NRG1: variants seen among roughly 807,000 people sequenced by gnomAD.
NRG1 encodes neuregulin 1.
A neutral mutation model predicts 63.8 loss-of-function variants in NRG1; 18 were observed. The observed-to-expected ratio is 0.28, with a 90% CI of 0.19 to 0.42. The LOEUF (loss-of-function observed/expected upper bound fraction) is 0.42, where lower values mean the gene tolerates loss of function less well. NRG1 is among the 10% of genes least tolerant of loss of function. NRG1 has a pLI of 1.00. For synonymous variants in NRG1, 302 were observed against 301.3 expected, an observed-to-expected ratio of 1.00 and a Z score of -0.02; for missense variants, 762 against 814.7, an observed-to-expected ratio of 0.94 and a Z score of 0.79.
intron 1 of NRG1, among the ~76,000 whole-genome samples, chr8:32,244,532 G>A (rs1225281732): frequency 6.6e-6 from 1 of 152,106 alleles, no homozygotes; most frequent in Non-Finnish European, 1.5e-5. Flanking sequence ...CAAAAGAAAG[G>A]GAAGCAGGGT....
At chr8:31,786,806 T>C (rs1016850559) in intron 1 of NRG1, among the ~76,000 whole-genome samples, 5 of 152,056 alleles carry the variant, frequency 3.3e-5, no homozygotes, top group Admixed American at 3.3e-4. Context: ...GGGTGGGCCG[T>C]CCTCCAGGAA....
chr8:32,022,799 C>T (rs1586542995), intron 1 of NRG1, among the ~76,000 whole-genome samples: 2 of 152,216 alleles, frequency 1.3e-5, no homozygotes, highest in Non-Finnish European at 2.9e-5. Flanking sequence ...AATGAGTCCA[C>T]AATACCTCAA....
At chr8:32,528,038 T>C (rs996031124) in intron 1 of NRG1, among the ~76,000 whole-genome samples, 3 of 152,188 alleles carry the variant, frequency 2.0e-5, no homozygotes, top group Non-Finnish European at 2.9e-5. Flanking sequence ...CCAGGATGTT[T>C]ATATTTGCAG....
At chr8:32,446,040 G>T (rs547534473) in intron 1 of NRG1, among the ~76,000 whole-genome samples, 1 of 152,048 alleles carries the variant, frequency 6.6e-6, no homozygotes, top group Admixed American at 6.6e-5. Flanking sequence ...CAAATAAATG[G>T]ACTAATTTGT....
chr8:32,749,609 T>C (rs945394631), intron 7 of NRG1: 11 of 1,611,842 alleles, frequency 6.8e-6, no homozygotes, highest in Admixed American at 1.7e-5. Context: ...TCATTCCTTT[T>C]AGCCTGCAGA....
intron 1 of NRG1, among the ~76,000 whole-genome samples, chr8:31,681,719 A>G (rs1406766826): frequency 6.7e-6 from 1 of 149,194 alleles, no homozygotes; most frequent in African/African-American, 2.4e-5. Flanking sequence ...ATATAATTAT[A>G]TGCATTATAT....
intron 1 of NRG1, among the ~76,000 whole-genome samples, chr8:32,350,329 C>T (rs142299075): frequency 6.6e-6 from 1 of 152,278 alleles, no homozygotes; most frequent in African/African-American, 2.4e-5. Flanking sequence ...GTTTTGTTCT[C>T]CGGTATCAGG....
At chr8:32,756,196 A>T (rs527796192) in intron 8 of NRG1, among the ~76,000 whole-genome samples, 1 of 152,218 alleles carries the variant, frequency 6.6e-6, no homozygotes, top group East Asian at 1.9e-4. Flanking sequence ...AAATTTCCAT[A>T]AGAATCCCAG....
At chr8:32,194,735 T>C (rs1398870382) in intron 1 of NRG1, among the ~76,000 whole-genome samples, 1 of 152,154 alleles carries the variant, frequency 6.6e-6, no homozygotes, top group East Asian at 1.9e-4. Context: ...ATGGAAACCA[T>C]TGGTCCAAAG....
At chr8:31,793,918 C>T in intron 1 of NRG1, among the ~76,000 whole-genome samples, 1 of 151,954 alleles carries the variant, frequency 6.6e-6, no homozygotes, top group East Asian at 1.9e-4. Context: ...TTCTTCCCTC[C>T]TCTTTTCTTC....
chr8:31,854,820 C>G (rs1827669872), intron 1 of NRG1, among the ~76,000 whole-genome samples: 1 of 151,926 alleles, frequency 6.6e-6, no homozygotes, highest in Non-Finnish European at 1.5e-5. Flanking sequence ...TGTCTTTGTT[C>G]TCGTTGGTTT....
chr8:32,368,668 G>A (rs769142449), intron 1 of NRG1, among the ~76,000 whole-genome samples: 1 of 152,176 alleles, frequency 6.6e-6, no homozygotes, highest in Non-Finnish European at 1.5e-5. Context: ...TGCAATGACA[G>A]AGTAGCCAAT....
intron 1 of NRG1, among the ~76,000 whole-genome samples, chr8:32,585,627 A>G (rs12680129): frequency 0.094 from 14,289 of 152,266 alleles, 1,819 homozygotes; most frequent in East Asian, 0.58. Flanking sequence ...CATTTGGCAT[A>G]TGACAGATAG....
chr8:32,550,206 C>T (rs1833859246), intron 1 of NRG1, among the ~76,000 whole-genome samples: 1 of 152,110 alleles, frequency 6.6e-6, no homozygotes, highest in African/African-American at 2.4e-5. Flanking sequence ...ATCATATTCA[C>T]TTCAATTACT....
chr8:32,752,492 AAT>A lies in NRG1; in HGVS notation c.692-1879_692-1878del, dbSNP rs1828937777. Among the ~76,000 whole-genome samples the A allele has an allele frequency of 5.3e-5, 8 of 152,228 alleles. No individual in the cohort carries two copies. The South Asian group carries it at 1.7e-3, about 32-fold the overall frequency. On this transcript the variant is annotated intron_variant, in intron 7 of 11. Transcript: ENST00000356819. ...CAATGCACCAGCCGCTTCGCTTTCT[AAT>A]TGTGGCTTCCACATGACTGCTAGAT...
Position 32,654,583 on chromosome 8 carries a change from C to G in NRG1, c.502+37698C>G, listed in dbSNP as rs534446407. ...GGCGGAGGTTGCAGTGAGCCGAGAT[C>G]GTGCCACTGCATTCCAGCCAGGGTG... On this transcript the variant is annotated intron_variant, in intron 5 of 11. Transcript: ENST00000356819. Among the ~76,000 whole-genome samples the G allele has an allele frequency of 4.6e-5, 7 of 151,620 alleles. No homozygotes were observed. The South Asian group carries it at 1.5e-3, about 32-fold the overall frequency.
At chr8:32,383,125 C>G (rs1355998054) in intron 1 of NRG1, among the ~76,000 whole-genome samples, 1 of 151,686 alleles carries the variant, frequency 6.6e-6, no homozygotes, top group Non-Finnish European at 1.5e-5. Flanking sequence ...ACTCAGGAGG[C>G]TGAGGTGGAA....
intron 1 of NRG1, among the ~76,000 whole-genome samples, chr8:31,938,494 T>C (rs1801266089): frequency 6.6e-6 from 1 of 151,916 alleles, no homozygotes; most frequent in Admixed American, 6.5e-5. Context: ...TATGACAAAA[T>C]AAGGTTATTT....
At chr8:32,276,362 G>T (rs1852094115) in intron 1 of NRG1, among the ~76,000 whole-genome samples, 1 of 152,144 alleles carries the variant, frequency 6.6e-6, no homozygotes. Flanking sequence ...CATGTTTGCT[G>T]CAAATGGCAG....
Sources: gnomAD v4.1 joint callset for allele counts (sites outside exome capture counted in the v4.1 genomes callset) on GRCh38, gnomAD v4.1.1 for gene constraint, MANE v1.5 for transcripts, NCBI Gene and HGNC (gene_info 2026-07-23, HGNC 2026-07-21) for gene names.